Variants in DIRAS2 observed in about 807,000 individuals in gnomAD.
DIRAS2 encodes DIRAS family GTPase 2, also known as GTP-binding protein Di-Ras2.
A neutral mutation model predicts 13.9 loss-of-function variants in DIRAS2; 5 were observed. The ratio of observed to expected loss-of-function variants is 0.36; its 90% confidence interval spans 0.19 to 0.76. The LOEUF is 0.76. DIRAS2 is among the 30% of genes least tolerant of loss of function. DIRAS2 has a pLI of 0.53. For missense variants in DIRAS2, 191 were observed against 263.0 expected, an observed-to-expected ratio of 0.73 and a Z score of 1.89; for synonymous variants, 111 against 105.4, an observed-to-expected ratio of 1.05 and a Z score of -0.33.
At chr9:90,622,007 T>C (rs1825223373) in intron 1 of DIRAS2, among the ~76,000 whole-genome samples, 1 of 152,146 alleles carries the variant, frequency 6.6e-6, no homozygotes, top group African/African-American at 2.4e-5. Context: ...AATTCCAGCA[T>C]TTAGGAGGCT....
Position 90,613,726 on chromosome 9 carries a change from C to T in DIRAS2, c.102G>A (p.Glu34=), listed in dbSNP as rs778909570. The T allele has an allele frequency of 9.3e-6, 15 of 1,614,146 alleles. No individual in the cohort carries two copies. Among genetic ancestry groups the T allele is most frequent in the Non-Finnish European group, 1.2e-5 (14 of 1,180,028 alleles). The change falls in exon 2 of 2, where the codon GAG becomes GAA. Residue 34 remains glutamate, a synonymous_variant. Coordinates refer to ENST00000375765, the MANE Select transcript of DIRAS2 (RefSeq NM_017594.5). This position sits in a 1 kb window ranked among gnomAD's most constrained non-coding sequence, Gnocchi z 5.6. ...VLRFVKGTFR[E]SYIPTVEDTY... ...TGTCTTCCACCGTCGGGATGTAGCT[C>T]TCCCGGAATGTGCCTTTCACAAACC...
intron 1 of DIRAS2, among the ~76,000 whole-genome samples, chr9:90,619,921 G>A (rs1466797593): frequency 6.6e-6 from 1 of 151,582 alleles, no homozygotes; most frequent in Non-Finnish European, 1.5e-5. Flanking sequence ...ATTATGGCAA[G>A]TAAAAGAAGC....
chr9:90,627,215 C>T (rs564654341), intron 1 of DIRAS2, among the ~76,000 whole-genome samples: 41 of 152,244 alleles, frequency 2.7e-4, no homozygotes, highest in East Asian at 5.8e-4. Flanking sequence ...AAGCAGACAC[C>T]GCTATGGTTC....
chr9:90,642,325 A>G (rs1218481814), intron 1 of DIRAS2, among the ~76,000 whole-genome samples: 3 of 152,224 alleles, frequency 2.0e-5, no homozygotes, highest in Non-Finnish European at 4.4e-5. Context: ...CATGAAGTGA[A>G]GGAGTCGAGG....
intron 1 of DIRAS2, chr9:90,625,884 T>C (rs1473239085): frequency 1.3e-5 from 2 of 151,992 alleles, no homozygotes; most frequent in Non-Finnish European, 2.9e-5. Flanking sequence ...ACCAAGAAAA[T>C]TAAAAGAGAT....
At chr9:90,639,703 C>T (rs1161606410) in intron 1 of DIRAS2, among the ~76,000 whole-genome samples, 1 of 152,146 alleles carries the variant, frequency 6.6e-6, no homozygotes, top group African/African-American at 2.4e-5. Flanking sequence ...TTGGATCCCT[C>T]GTATCTACTC....
chr9:90,635,191 G>C (rs1268943838), intron 1 of DIRAS2, among the ~76,000 whole-genome samples: 3 of 152,194 alleles, frequency 2.0e-5, no homozygotes, highest in Admixed American at 2.0e-4. Flanking sequence ...ACGTGGTCTA[G>C]GCTTCGGTTA....
intron 1 of DIRAS2, among the ~76,000 whole-genome samples, chr9:90,619,768 C>T (rs1419520820): frequency 6.6e-6 from 1 of 152,070 alleles, no homozygotes; most frequent in Non-Finnish European, 1.5e-5. Flanking sequence ...CAATATTAAG[C>T]ATAATAGCCA....
At chr9:90,641,630 A>G (rs1825420123) in intron 1 of DIRAS2, among the ~76,000 whole-genome samples, 1 of 152,184 alleles carries the variant, frequency 6.6e-6, no homozygotes, top group Non-Finnish European at 1.5e-5. Context: ...TGTTAAATTT[A>G]TTCTAATTTT....
rs143653506 is a variant in DIRAS2 at position 90,642,088 on chromosome 9, G to A, written c.-37+664C>T. Among the ~76,000 whole-genome samples, 21 of 152,350 alleles carry A rather than the reference G, an allele frequency of 1.4e-4. No homozygotes were observed. The East Asian group carries it at 1.5e-3, about 11-fold the overall frequency. ...TTTCAAGAGAGAAGGAGAGAGGCAG[G>A]TTCCCACAACGCCAGAAGCCAGCAC... On this transcript the variant is annotated intron_variant, in intron 1 of 1. Coordinates refer to ENST00000375765, the MANE Select transcript of DIRAS2 (RefSeq NM_017594.5).
chr9:90,621,575 T>C (rs965252519), intron 1 of DIRAS2, among the ~76,000 whole-genome samples: 7 of 152,244 alleles, frequency 4.6e-5, no homozygotes, highest in African/African-American at 1.7e-4. Context: ...ACAATGTATG[T>C]ATTTGGTTAA....
chr9:90,641,967 A>G (rs6479611), intron 1 of DIRAS2, among the ~76,000 whole-genome samples: 44,939 of 152,198 alleles, frequency 0.3, 7,167 homozygotes, highest in Non-Finnish European at 0.36. Context: ...CCAGCATTCA[A>G]TGGATGTAAC....
chr9:90,634,092 T>C, intron 1 of DIRAS2, among the ~76,000 whole-genome samples: 1 of 152,146 alleles, frequency 6.6e-6, no homozygotes, highest in East Asian at 1.9e-4. Flanking sequence ...GGAAGTGCTA[T>C]GGTCAGAGTG....
Position 90,613,989 on chromosome 9 carries a change from C to T in DIRAS2, c.-36-126G>A. Reference sequence around the variant, plus strand: ...GATAACATTTAAAATAGCGACAATTCTAAATCCAATAAATTTGGTCAATCC... The same window carrying T: ...GATAACATTTAAAATAGCGACAATTTTAAATCCAATAAATTTGGTCAATCC... On this transcript the variant is annotated intron_variant, in intron 1 of 1. Transcript: ENST00000375765. This position sits in a 1 kb window ranked among gnomAD's most constrained non-coding sequence, Gnocchi z 5.6. 9.9e-7 allele frequency: 1 copy of T among 1,007,450 alleles called. No homozygotes were observed. The highest frequency in any genetic ancestry group is 1.4e-6 in the Non-Finnish European group (1 of 712,646). 62.4% of individuals were successfully genotyped at this position (1,007,450 alleles called of 1,614,324 possible).
At position 90,613,360 on chromosome 9, in the gene DIRAS2, A is replaced by T. The variant is rs1198898588; in HGVS notation, c.468T>A (p.His156Gln). The T allele has an allele frequency of 1.9e-6, 3 of 1,613,874 alleles. No individual in the cohort carries two copies. The highest frequency in any genetic ancestry group is 2.5e-6 in the Non-Finnish European group (3 of 1,179,972). The change falls in exon 2 of 2, where the codon CAT (histidine) becomes CAA (glutamine). Residue 156 changes from histidine (H) to glutamine (Q), a missense_variant. Transcript: ENST00000375765. The surrounding 1 kb of genome is among the most constrained non-coding windows in gnomAD (Gnocchi z 5.6). ...AFMETSAKLN[H>Q]NVKELFQELL... ...GCTCCTGGAAAAGCTCCTTCACGTT[A>T]TGGTTGAGCTTGGCTGAGGTCTCCA...
At chr9:90,617,518 C>G (rs1310285236) in intron 1 of DIRAS2, among the ~76,000 whole-genome samples, 1 of 152,126 alleles carries the variant, frequency 6.6e-6, no homozygotes, top group East Asian at 1.9e-4. Flanking sequence ...GTTGCTTTAG[C>G]TAGGAAATGG....
intron 1 of DIRAS2, among the ~76,000 whole-genome samples, chr9:90,618,643 C>T (rs1296818330): frequency 1.3e-5 from 2 of 152,154 alleles, no homozygotes; most frequent in Non-Finnish European, 2.9e-5. Context: ...AATCATATAT[C>T]TGATAAGGGA....
In DIRAS2 at chr9:90,611,566, C is replaced by T. The variant is rs1046726654; in HGVS notation, c.*1662G>A. ...GTGCTTTGGGGGATGGAGATGGCCA[C>T]ACTGCTGCTGCTGCAAGCCCTGCAT... On this transcript the variant is annotated 3_prime_UTR_variant, in exon 2 of 2. Transcript: ENST00000375765. 1 of 152,504 alleles carries T rather than the reference C, an allele frequency of 6.6e-6. No individual in the cohort carries two copies. Among genetic ancestry groups the T allele is most frequent in the African/African-American group, 2.4e-5 (1 of 41,456 alleles). The allele number at this position is 152,504 out of a possible 1,614,324, so 9.4% of individuals were successfully genotyped here. A position where few individuals can be genotyped will look rare whatever the true frequency, so the allele number is the denominator to read the frequency against.
intron 1 of DIRAS2, among the ~76,000 whole-genome samples, chr9:90,632,110 G>A (rs1177631542): frequency 3.3e-5 from 5 of 152,162 alleles, no homozygotes; most frequent in African/African-American, 1.2e-4. Flanking sequence ...GCAGCAGCCT[G>A]CTGGGTGATC....
Sources: gnomAD v4.1 joint callset for allele counts (sites outside exome capture counted in the v4.1 genomes callset) on GRCh38, gnomAD v4.1.1 for gene constraint, Gnocchi (gnomAD v3.1) non-coding constraint, MANE v1.5 for transcripts, NCBI Gene and HGNC (gene_info 2026-07-23, HGNC 2026-07-21) for gene names.